Variants in ARHGAP39 observed in about 807,000 individuals in gnomAD.
ARHGAP39 encodes the protein rho GTPase-activating protein 39.
In ARHGAP39, 44 loss-of-function variants were observed where a neutral mutation model predicts 106.9. The ratio of observed to expected loss-of-function variants is 0.41; its 90% CI spans 0.32 to 0.53. The LOEUF (loss-of-function observed/expected upper bound fraction) is 0.53, where lower values mean the gene tolerates loss of function less well. Ranked by LOEUF, ARHGAP39 falls within the 20% of genes least tolerant of loss-of-function variation. ARHGAP39 has a pLI of 0.21. For missense variants in ARHGAP39, 1,496 were observed against 1,577.3 expected, an observed-to-expected ratio of 0.95 and a Z score of 0.87; for synonymous variants, 768 against 693.2, an observed-to-expected ratio of 1.11 and a Z score of -1.69.
chr8:144,613,105 C>T (rs1162498645), intron 1 of ARHGAP39, among the ~76,000 whole-genome samples: 4 of 152,226 alleles, frequency 2.6e-5, no homozygotes, highest in Admixed American at 6.5e-5. Context: ...CTGCCTTCAA[C>T]GGCTATTCTA....
intron 1 of ARHGAP39, among the ~76,000 whole-genome samples, chr8:144,673,687 T>C (rs931891046): frequency 6.6e-6 from 1 of 152,226 alleles, no homozygotes; most frequent in African/African-American, 2.4e-5. Flanking sequence ...TGGTGCCTTC[T>C]GCCTGAGTAT....
At position 144,547,533 on chromosome 8, in the gene ARHGAP39, A is replaced by C; in HGVS notation, c.1553T>G (p.Val518Gly). 1.4e-6 allele frequency: 2 copies of C among 1,479,782 alleles called. No individual in the cohort carries two copies. The highest frequency in any genetic ancestry group is 1.8e-6 in the Non-Finnish European group (2 of 1,118,768). 91.7% of individuals were successfully genotyped at this position (1,479,782 alleles called of 1,614,324 possible). A position where few individuals can be genotyped will look rare whatever the true frequency, so the allele number is the denominator to read the frequency against. The change falls in exon 5 of 12, where the codon GTG (valine) becomes GGG (glycine). Residue 518 changes from valine to glycine, a missense_variant. Transcript: ENST00000377307. The surrounding 1 kb of genome is among the most constrained non-coding windows in gnomAD (Gnocchi z 5.2). ...CTGTTCCTCGGCCAGGGGCTGCTCC[A>C]CAAGCAGGTCCCCGGGGCCCTCAGT... ...TPTEGPGDLL[V>G]EQPLAEEQPP...
At chr8:144,542,397 G>T (rs1353571962) in intron 6 of ARHGAP39, among the ~76,000 whole-genome samples, 1 of 152,184 alleles carries the variant, frequency 6.6e-6, no homozygotes, top group African/African-American at 2.4e-5. Flanking sequence ...TGAGTCAAAG[G>T]CTCCTGAGGC....
intron 1 of ARHGAP39, among the ~76,000 whole-genome samples, chr8:144,642,763 G>GC (rs373348313): frequency 9.2e-4 from 140 of 152,274 alleles, no homozygotes; most frequent in African/African-American, 3.0e-3. Context: ...CGATGGTGAG[G>GC]CCTCCCCAAC....
At chr8:144,655,265 C>T (rs1821666703) in intron 1 of ARHGAP39, among the ~76,000 whole-genome samples, 1 of 152,106 alleles carries the variant, frequency 6.6e-6, no homozygotes. Flanking sequence ...CCATGGCCAC[C>T]CATCAGCATG....
intron 1 of ARHGAP39, chr8:144,605,938 C>T: frequency 2.6e-6 from 1 of 382,744 alleles, no homozygotes; most frequent in Admixed American, 3.9e-5. Flanking sequence ...AGGATCCCCC[C>T]CATGCCAGTC....
the ARHGAP39 span, among the ~76,000 whole-genome samples, chr8:144,692,573 A>G: frequency 6.6e-6 from 1 of 152,092 alleles, no homozygotes; most frequent in African/African-American, 2.4e-5. Context: ...AAAGGTGCTC[A>G]ATGGGGGCTG....
Position 144,529,208 on chromosome 8 carries a change from G to A in ARHGAP39, c.*1214C>T. 2 of 306,884 alleles carry A rather than the reference G, an allele frequency of 6.5e-6. No homozygotes were observed. The highest frequency in any genetic ancestry group is 1.2e-5 in the Non-Finnish European group (2 of 168,066). 19.0% of individuals were successfully genotyped at this position (306,884 alleles called of 1,614,324 possible). A position where few individuals can be genotyped will look rare whatever the true frequency, so the allele number is the denominator to read the frequency against. ...GTCCATGTGCACTTTATTCACTCGTGTCGTCGCCTCTCGGGTCCATGCGTC... is the reference window on the plus strand; with the variant it reads ...GTCCATGTGCACTTTATTCACTCGTATCGTCGCCTCTCGGGTCCATGCGTC... On this transcript the variant is annotated 3_prime_UTR_variant, in exon 12 of 12. Coordinates refer to ENST00000377307, the MANE Select transcript of ARHGAP39 (RefSeq NM_025251.3).
chr8:144,645,057 T>C lies in ARHGAP39; in HGVS notation c.-81-39362A>G, dbSNP rs1372731314. 6.6e-6 allele frequency among the ~76,000 whole-genome samples: 1 copy of C among 152,208 alleles called. No individual in the cohort carries two copies. Among genetic ancestry groups the C allele is most frequent in the African/African-American group, 2.4e-5 (1 of 41,466 alleles). On this transcript the variant is annotated intron_variant, in intron 1 of 11. Coordinates refer to ENST00000377307, the MANE Select transcript of ARHGAP39 (RefSeq NM_025251.3). This position sits in a 1 kb window ranked among gnomAD's most constrained non-coding sequence, Gnocchi z 4.4. Reference sequence around the variant, plus strand: ...CACATGTCAACCGCAGTCCCCGTGTTATCCAGGAGGAAGCGAAGAAAACAC... The same window carrying C: ...CACATGTCAACCGCAGTCCCCGTGTCATCCAGGAGGAAGCGAAGAAAACAC...
At chr8:144,600,906 G>A (rs892579314) in intron 2 of ARHGAP39, among the ~76,000 whole-genome samples, 2 of 150,644 alleles carry the variant, frequency 1.3e-5, no homozygotes, top group African/African-American at 4.9e-5. Context: ...TGTGCGTGGT[G>A]TGTGCAAGCT....
Position 144,576,297 on chromosome 8 carries a change from C to A in ARHGAP39, c.512+4549G>T, listed in dbSNP as rs1358022292. Among the ~76,000 whole-genome samples the A allele has an allele frequency of 3.6e-5, 5 of 138,018 alleles. No homozygotes were observed. In the East Asian group the frequency reaches 1.1e-3, roughly 30 times the overall value. The allele number at this position is 138,018 out of a possible 152,430, so 90.5% of individuals were successfully genotyped here. A position where few individuals can be genotyped will look rare whatever the true frequency, so the allele number is the denominator to read the frequency against. The stretch of plus-strand genomic sequence containing the variant: ...GCAGTGAGCCGAGATTGCACCACTG[C>A]ACTCCAGCCTGGGCGACAGAGTGAG... On this transcript the variant is annotated intron_variant, in intron 3 of 11. Transcript: ENST00000377307.
rs548878149 is a variant in ARHGAP39 at position 144,646,974 on chromosome 8, T to A, written c.-82+38712A>T. Among the ~76,000 whole-genome samples, 1 of 150,210 alleles carries A rather than the reference T, an allele frequency of 6.7e-6. No homozygotes were observed. The highest frequency in any genetic ancestry group is 1.9e-4 in the East Asian group (1 of 5,130). ...CTGCTCTGCTCTGACCATTTTTTTT[T>A]TTTTTTTTTTTTTGAGACAGAGTCT... On this transcript the variant is annotated intron_variant, in intron 1 of 11. Transcript: ENST00000377307. This position sits in a 1 kb window ranked among gnomAD's most constrained non-coding sequence, Gnocchi z 5.7.
At chr8:144,640,961 T>C (rs1277671321) in intron 1 of ARHGAP39, among the ~76,000 whole-genome samples, 3 of 152,232 alleles carry the variant, frequency 2.0e-5, no homozygotes, top group Non-Finnish European at 2.9e-5. Context: ...CCCTAGTACA[T>C]AGAAATCAAC....
At chr8:144,546,594 T>C (rs1370493589) in intron 5 of ARHGAP39, among the ~76,000 whole-genome samples, 2 of 152,174 alleles carry the variant, frequency 1.3e-5, no homozygotes, top group Non-Finnish European at 2.9e-5. Context: ...CTCCACGGGA[T>C]CTAGCCTCCA....
rs751806798 is a variant in ARHGAP39 at position 144,545,380 on chromosome 8, C to T, written c.2390G>A (p.Arg797His). The T allele has an allele frequency of 1.9e-5, 31 of 1,598,218 alleles. No homozygotes were observed. Among genetic ancestry groups the T allele is most frequent in the South Asian group, 1.2e-4 (11 of 90,620 alleles). Reference protein sequence around the residue: ...QLCRQTTENFRLESLARGWEL... With the variant: ...QLCRQTTENFHLESLARGWEL... Reference sequence around the variant, plus strand: ...CCAGCCGCGGGCCAGGCTCTCCAGGCGGAAGTTCTCGGTGGTCTGCCGGCA... The same window carrying T: ...CCAGCCGCGGGCCAGGCTCTCCAGGTGGAAGTTCTCGGTGGTCTGCCGGCA... The change falls in exon 6 of 12, where the codon CGC becomes CAC. Residue 797 changes from arginine (R) to histidine (H), a missense_variant. By Grantham distance (29) the Arg-to-His change is conservative (BLOSUM62 0). Transcript: ENST00000377307.
rs553169656 is a variant in ARHGAP39 at position 144,533,626 on chromosome 8, A to C, written c.2689-301T>G. Reference sequence around the variant, plus strand: ...CAAGCCCAGCTCCCTGGCCAGAGTCACCGTCTACAGCACCAGCTCACAGGG... The same window carrying C: ...CAAGCCCAGCTCCCTGGCCAGAGTCCCCGTCTACAGCACCAGCTCACAGGG... On this transcript the variant is annotated intron_variant, in intron 8 of 11. Transcript: ENST00000377307. 2.5e-3 allele frequency among the ~76,000 whole-genome samples: 373 copies of C among 152,222 alleles called. 4 individuals are homozygous for C. Among genetic ancestry groups the C allele is most frequent in the Non-Finnish European group, 9.3e-4 (63 of 68,010 alleles).
intron 1 of ARHGAP39, among the ~76,000 whole-genome samples, chr8:144,676,415 C>T (rs962820317): frequency 6.6e-6 from 1 of 151,630 alleles, no homozygotes; most frequent in Non-Finnish European, 1.5e-5. Flanking sequence ...GAGCTAGACA[C>T]GGGTGCTGCT....
intron 1 of ARHGAP39, among the ~76,000 whole-genome samples, chr8:144,628,060 C>T (rs1315288706): frequency 6.6e-6 from 1 of 152,226 alleles, no homozygotes; most frequent in Admixed American, 6.5e-5. Flanking sequence ...GCGGGAGAGC[C>T]ATGGCTGGCA....
At chr8:144,576,327 C>T (rs775877044) in intron 3 of ARHGAP39, among the ~76,000 whole-genome samples, 200 of 124,888 alleles carry the variant, frequency 1.6e-3, no homozygotes, top group Non-Finnish European at 2.6e-3. Flanking sequence ...AGTGAGACTC[C>T]GTCTCAAAAA....
Sources: gnomAD v4.1 joint callset for allele counts (sites outside exome capture counted in the v4.1 genomes callset) on GRCh38, gnomAD v4.1.1 for gene constraint, Gnocchi (gnomAD v3.1) non-coding constraint, MANE v1.5 for transcripts, NCBI Gene and HGNC (gene_info 2026-07-23, HGNC 2026-07-21) for gene names.